The following NYAP2 variants were observed in gnomAD, a reference collection of about 807,000 sequenced individuals.
NYAP2 encodes neuronal tyrosine-phosphorylated phosphoinositide-3-kinase adaptor 2, also known as neuronal tyrosine-phosphorylated phosphoinositide-3-kinase adapter 2.
In NYAP2, 23 loss-of-function variants were observed where a neutral mutation model predicts 50.4. The ratio of observed to expected loss-of-function variants is 0.46; its 90% confidence interval spans 0.33 to 0.65. NYAP2 has a LOEUF of 0.65. Among genes scored for constraint, NYAP2 ranks in the 30% least tolerant of loss-of-function variants. The probability of loss-of-function intolerance (pLI) is 0.02; values close to 1 mark genes in which losing one functional copy is unlikely to be tolerated. For missense variants in NYAP2, 885 were observed against 861.0 expected, an observed-to-expected ratio of 1.03 and a Z score of -0.35; for synonymous variants, 394 against 365.2, an observed-to-expected ratio of 1.08 and a Z score of -0.90.
chr2:225,451,137 G>A (rs1574621626), intron 3 of NYAP2, among the ~76,000 whole-genome samples: 1 of 152,150 alleles, frequency 6.6e-6, no homozygotes, highest in Non-Finnish European at 1.5e-5. Context: ...CCAGATTGTA[G>A]AAGGATTTCA....
chr2:225,598,591 AC>A (rs1487371496), intron 5 of NYAP2, among the ~76,000 whole-genome samples: 1 of 152,226 alleles, frequency 6.6e-6, no homozygotes, highest in Non-Finnish European at 1.5e-5. Context: ...CAGAAAAAAA[AC>A]ACTCAAATGT....
intron 3 of NYAP2, among the ~76,000 whole-genome samples, chr2:225,443,364 C>T (rs752971862): frequency 3.3e-5 from 5 of 152,150 alleles, no homozygotes; most frequent in Non-Finnish European, 5.9e-5. Context: ...AACACGAGTT[C>T]CTCTTCTTCC....
intron 4 of NYAP2, among the ~76,000 whole-genome samples, chr2:225,546,491 T>C (rs1208390381): frequency 1.3e-5 from 2 of 152,066 alleles, no homozygotes; most frequent in East Asian, 3.9e-4. Flanking sequence ...TGGTGGGTAC[T>C]GTCAGGCTAC....
At chr2:225,400,792 C>T (rs2106113914) in exon 2 of NYAP2, 1 of 152,544 alleles carries the variant, frequency 6.6e-6, no homozygotes. Flanking sequence ...CTTTAAAGGC[C>T]ATTTTATCTG....
intron 6 of NYAP2, among the ~76,000 whole-genome samples, chr2:225,642,261 A>G (rs971739406): frequency 1.7e-4 from 26 of 151,816 alleles, no homozygotes; most frequent in African/African-American, 5.8e-4. Context: ...TGTGTGTACC[A>G]TTGTGTGGAA....
At chr2:225,566,910 G>A (rs1223749776) in intron 4 of NYAP2, among the ~76,000 whole-genome samples, 1 of 151,976 alleles carries the variant, frequency 6.6e-6, no homozygotes, top group East Asian at 1.9e-4. Context: ...GGAACTTACA[G>A]TAATATGTGT....
rs557447206 is a variant in NYAP2, at chr2:225,456,370, C to T, written c.221+47269C>T. On this transcript the variant is annotated intron_variant, in intron 3 of 6. Transcript: ENST00000636099. Reference sequence around the variant, plus strand: ...TGTCCTGGCATCTTCTCTTCTGAGACTGAGAACATGAATTTGCCTTGAATC... The same window carrying T: ...TGTCCTGGCATCTTCTCTTCTGAGATTGAGAACATGAATTTGCCTTGAATC... Among the ~76,000 whole-genome samples, 4 of 152,334 alleles carry T rather than the reference C, an allele frequency of 2.6e-5. No homozygotes were observed. In the East Asian group the frequency reaches 7.7e-4, roughly 29 times the overall value.
chr2:225,686,213 G>T, the NYAP2 span, among the ~76,000 whole-genome samples: 1 of 152,134 alleles, frequency 6.6e-6, no homozygotes, highest in Admixed American at 6.6e-5. Context: ...GCTCCTAAGA[G>T]ATACAAAGTT....
chr2:225,669,932 G>GT, the NYAP2 span, among the ~76,000 whole-genome samples: 2 of 152,158 alleles, frequency 1.3e-5, no homozygotes, highest in African/African-American at 4.8e-5. Context: ...TCCAAGGAGA[G>GT]TCGGGTTGTT....
intron 3 of NYAP2, among the ~76,000 whole-genome samples, chr2:225,474,596 G>A (rs1008133427): frequency 1.3e-5 from 2 of 152,176 alleles, no homozygotes; most frequent in East Asian, 3.9e-4. Flanking sequence ...TTCATTCATG[G>A]TTTGGCTCTC....
chr2:225,623,747 T>C (rs1693163847), intron 5 of NYAP2, among the ~76,000 whole-genome samples: 1 of 152,236 alleles, frequency 6.6e-6, no homozygotes, highest in Non-Finnish European at 1.5e-5. Flanking sequence ...ACATGCTTGC[T>C]CTATTTAAAA....
downstream of NYAP2, among the ~76,000 whole-genome samples, chr2:225,657,643 C>T (rs565670378): frequency 6.0e-5 from 9 of 150,694 alleles, no homozygotes; most frequent in South Asian, 1.9e-3. Flanking sequence ...ACCAAAACAC[C>T]GTAAAATGTA....
chr2:225,495,598 T>C (rs1056285439), intron 3 of NYAP2, among the ~76,000 whole-genome samples: 4 of 152,156 alleles, frequency 2.6e-5, no homozygotes, highest in Admixed American at 1.3e-4. Context: ...TAGCACACTA[T>C]CTAGGACAGA....
intron 5 of NYAP2, among the ~76,000 whole-genome samples, chr2:225,608,660 G>C (rs1410891863): frequency 6.6e-6 from 1 of 151,928 alleles, no homozygotes. Context: ...ATTTTGTCAG[G>C]CTGGACATTT....
chr2:225,473,600 A>G (rs1387387604), intron 3 of NYAP2, among the ~76,000 whole-genome samples: 1 of 152,210 alleles, frequency 6.6e-6, no homozygotes. Context: ...GCCTGCATAA[A>G]TGTCTTCTTT....
chr2:225,703,429 A>C, the NYAP2 span: 1 of 151,720 alleles, frequency 6.6e-6, no homozygotes, highest in Non-Finnish European at 1.5e-5. Context: ...AGCCATTTCT[A>C]TATATATAAT....
At chr2:225,400,798 A>C (rs1335128369) in exon 2 of NYAP2, 1 of 152,478 alleles carries the variant, frequency 6.6e-6, no homozygotes, top group Non-Finnish European at 1.5e-5. Flanking sequence ...AGGCCATTTT[A>C]TCTGATAGGA....
chr2:225,563,313 G>T (rs1475757103), intron 4 of NYAP2, among the ~76,000 whole-genome samples: 1 of 152,136 alleles, frequency 6.6e-6, no homozygotes, highest in African/African-American at 2.4e-5. Context: ...AAGACTTAGA[G>T]GTTAAGTAGC....
the NYAP2 span, among the ~76,000 whole-genome samples, chr2:225,683,469 T>TA: frequency 6.6e-6 from 1 of 152,210 alleles, no homozygotes; most frequent in African/African-American, 2.4e-5. Flanking sequence ...CAGCATTTAA[T>TA]AAAAAATTCT....
Sources: gnomAD v4.1 joint callset for allele counts (sites outside exome capture counted in the v4.1 genomes callset) on GRCh38, gnomAD v4.1.1 for gene constraint, MANE v1.5 for transcripts, NCBI Gene and HGNC (gene_info 2026-07-23, HGNC 2026-07-21) for gene names.